HDAC9: variants seen among roughly 807,000 people sequenced by gnomAD.
HDAC9 encodes MEF-2 interacting transcription repressor (MITR) protein.
A neutral mutation model predicts 139.4 loss-of-function variants in HDAC9; 41 were observed. The ratio of observed to expected loss-of-function variants is 0.29; its 90% CI spans 0.23 to 0.38. HDAC9 has a LOEUF of 0.38. HDAC9 is among the 10% of genes least tolerant of loss of function. HDAC9 has a pLI of 1.00. For synonymous variants in HDAC9, 517 were observed against 476.2 expected (o/e 1.09, Z -1.12); for missense variants, 1,147 against 1,297.0 (o/e 0.88, Z 1.78).
chr7:18,394,588 T>C (rs1449047796), intron 1 of HDAC9, among the ~76,000 whole-genome samples: 3 of 152,040 alleles, frequency 2.0e-5, no homozygotes, highest in Admixed American at 6.6e-5. Flanking sequence ...TGTATGCATG[T>C]GTGTTATGTG....
intron 22 of HDAC9, among the ~76,000 whole-genome samples, chr7:18,887,199 A>G (rs1585227215): frequency 6.6e-6 from 1 of 152,326 alleles, no homozygotes; most frequent in South Asian, 2.1e-4. Context: ...TTCCAAATTA[A>G]CAAGCATCAG....
At chr7:18,309,223 C>A (rs545708844) in intron 1 of HDAC9, among the ~76,000 whole-genome samples, 1 of 152,252 alleles carries the variant, frequency 6.6e-6, no homozygotes, top group East Asian at 1.9e-4. Context: ...TTGGTTTAAA[C>A]ACCCATTTCC....
chr7:18,228,732 G>A (rs909923065), intron 2 of HDAC9, among the ~76,000 whole-genome samples: 1 of 152,116 alleles, frequency 6.6e-6, no homozygotes, highest in African/African-American at 2.4e-5. Context: ...TAGGAGGAAG[G>A]CTGGCATTAG....
chr7:18,702,108 C>T (rs960139114), intron 12 of HDAC9, among the ~76,000 whole-genome samples: 11 of 148,478 alleles, frequency 7.4e-5, no homozygotes, highest in Non-Finnish European at 1.3e-4. Context: ...AGGCTGGGAG[C>T]GTGGCTGTAG....
At chr7:18,469,808 T>C (rs1437747521) in intron 1 of HDAC9, among the ~76,000 whole-genome samples, 5 of 152,136 alleles carry the variant, frequency 3.3e-5, no homozygotes, top group Non-Finnish European at 2.9e-5. Flanking sequence ...AGGTAAATCA[T>C]TCATATTATA....
intron 22 of HDAC9, among the ~76,000 whole-genome samples, chr7:18,888,189 A>C (rs571362150): frequency 1.3e-5 from 2 of 152,288 alleles, no homozygotes; most frequent in East Asian, 3.9e-4. Flanking sequence ...TGGGAGGCCG[A>C]GGCAGGCGGA....
In HDAC9 at chr7:18,105,991, A is replaced by G. The variant is rs556278839; in HGVS notation, c.-97+18778A>G. 1.6e-4 allele frequency among the ~76,000 whole-genome samples: 25 copies of G among 152,262 alleles called. No homozygotes were observed. The South Asian group carries it at 3.3e-3, about 20-fold the overall frequency. On this transcript the variant is annotated intron_variant, in intron 1 of 12. Coordinates refer to the HDAC9 transcript ENST00000417496. Reference sequence around the variant, plus strand: ...AGCCAGACTTACAAGGCCACATGCTATTTTATTCAATTTATAGGAAATAGC... The same window carrying G: ...AGCCAGACTTACAAGGCCACATGCTGTTTTATTCAATTTATAGGAAATAGC...
intron 23 of HDAC9, among the ~76,000 whole-genome samples, chr7:18,950,363 A>C (rs551448202): frequency 5.6e-4 from 85 of 152,124 alleles, no homozygotes; most frequent in Non-Finnish European, 1.1e-3. Context: ...ATGCAAGAGC[A>C]GTTCACCTTA....
chr7:18,317,023 G>C (rs1016021883), intron 1 of HDAC9, among the ~76,000 whole-genome samples: 1 of 151,328 alleles, frequency 6.6e-6, no homozygotes, highest in South Asian at 2.1e-4. Context: ...GAACCCGGGA[G>C]GCAGAGCTTG....
At chr7:18,453,418 C>T (rs1288458880) in intron 1 of HDAC9, among the ~76,000 whole-genome samples, 1 of 152,110 alleles carries the variant, frequency 6.6e-6, no homozygotes, top group Non-Finnish European at 1.5e-5. Context: ...ACATAATAGC[C>T]TAAGACATAA....
chr7:18,248,340 C>G (rs1026539415), intron 2 of HDAC9, among the ~76,000 whole-genome samples: 2 of 152,124 alleles, frequency 1.3e-5, no homozygotes, highest in African/African-American at 4.8e-5. Flanking sequence ...ACCTGAACAA[C>G]CATCATACTA....
intron 19 of HDAC9, among the ~76,000 whole-genome samples, chr7:18,831,247 T>C (rs1185463946): frequency 6.6e-6 from 1 of 152,202 alleles, no homozygotes. Context: ...TTGTGATATC[T>C]AGACTCAAAA....
At chr7:18,793,805 G>A (rs1792543410) in intron 17 of HDAC9, among the ~76,000 whole-genome samples, 1 of 152,136 alleles carries the variant, frequency 6.6e-6, no homozygotes, top group Non-Finnish European at 1.5e-5. Flanking sequence ...TTAAAAATAT[G>A]ATTACTGAGA....
intron 11 of HDAC9, among the ~76,000 whole-genome samples, chr7:18,662,345 A>G (rs1190418087): frequency 6.7e-6 from 1 of 149,902 alleles, no homozygotes; most frequent in Non-Finnish European, 1.5e-5. Flanking sequence ...GAAAAGAGAA[A>G]TGAAGACAGT....
At chr7:18,416,314 A>AAC (rs889661018) in intron 1 of HDAC9, among the ~76,000 whole-genome samples, 1 of 152,082 alleles carries the variant, frequency 6.6e-6, no homozygotes, top group Admixed American at 6.5e-5. Context: ...AACAAAAAAC[A>AAC]ACAACAAAAA....
intron 2 of HDAC9, among the ~76,000 whole-genome samples, chr7:18,198,474 C>T (rs1348300882): frequency 6.6e-6 from 1 of 152,082 alleles, no homozygotes; most frequent in Non-Finnish European, 1.5e-5. Flanking sequence ...CTCAAATGGT[C>T]CTGTGTTTAC....
intron 2 of HDAC9, among the ~76,000 whole-genome samples, chr7:18,268,494 A>T (rs77903624): frequency 1.2e-4 from 7 of 58,150 alleles, no homozygotes; most frequent in East Asian, 1.6e-3. Flanking sequence ...GAACCAAATT[A>T]AAAAAAAAAA....
At position 18,277,207 on chromosome 7, in the gene HDAC9, A is replaced by T. The variant is rs569868146; in HGVS notation, c.25+114858A>T. 1.1e-4 allele frequency among the ~76,000 whole-genome samples: 17 copies of T among 152,278 alleles called. No homozygotes were observed. The East Asian group carries it at 1.7e-3, about 16-fold the overall frequency. ...AGAAGGAGATAGGAAACAATGATAAAGTTTGTGCACTCCAGAAGAAGTAGG... is the reference window on the plus strand; with the variant it reads ...AGAAGGAGATAGGAAACAATGATAATGTTTGTGCACTCCAGAAGAAGTAGG... On this transcript the variant is annotated intron_variant, in intron 2 of 12. Coordinates refer to the HDAC9 transcript ENST00000417496.
At chr7:18,383,243 G>A (rs2128715686) in intron 1 of HDAC9, among the ~76,000 whole-genome samples, 1 of 152,238 alleles carries the variant, frequency 6.6e-6, no homozygotes, top group East Asian at 1.9e-4. Context: ...CCCAGAAATC[G>A]ATGTGCTCGT....
Sources: gnomAD v4.1 joint callset for allele counts (sites outside exome capture counted in the v4.1 genomes callset) on GRCh38, gnomAD v4.1.1 for gene constraint, MANE v1.5 for transcripts, NCBI Gene and HGNC (gene_info 2026-07-23, HGNC 2026-07-21) for gene names.